Variants in CFAP77 observed in about 807,000 individuals in gnomAD.
The protein encoded by CFAP77 is cilia and flagella associated protein 77.
A neutral mutation model predicts 31.1 loss-of-function variants in CFAP77; 25 were observed. That is an observed-to-expected ratio of 0.80 (90% CI 0.59 to 1.12). CFAP77 has a LOEUF of 1.12. Among genes scored for constraint, CFAP77 ranks in the 50% most tolerant of loss-of-function variants. The pLI is 0.00. For synonymous variants in CFAP77, 151 were observed against 159.9 expected (o/e 0.94, Z 0.42); for missense variants, 377 against 397.3 (o/e 0.95, Z 0.44).
intron 4 of CFAP77, among the ~76,000 whole-genome samples, chr9:132,538,542 T>C (rs1257581226): frequency 2.0e-5 from 3 of 152,204 alleles, no homozygotes; most frequent in African/African-American, 7.2e-5. Flanking sequence ...TCCCAACACT[T>C]TGGGAGGCCG....
At chr9:132,456,747 A>T (rs1334598975) in intron 1 of CFAP77, among the ~76,000 whole-genome samples, 2 of 151,854 alleles carry the variant, frequency 1.3e-5, no homozygotes, top group Non-Finnish European at 2.9e-5. Context: ...CTGGAGATTT[A>T]AAAAAAATTT....
At chr9:132,508,113 C>T (rs562631169) in intron 3 of CFAP77, among the ~76,000 whole-genome samples, 1 of 152,254 alleles carries the variant, frequency 6.6e-6, no homozygotes, top group East Asian at 1.9e-4. Context: ...GACTTTGAGA[C>T]AGTTATCAGA....
intron 1 of CFAP77, among the ~76,000 whole-genome samples, chr9:132,421,095 T>C (rs570121660): frequency 6.9e-6 from 1 of 145,330 alleles, no homozygotes; most frequent in South Asian, 2.4e-4. Flanking sequence ...GCAACCTCCA[T>C]CTCCTGGGTT....
At chr9:132,534,577 C>T (rs1369267060) in intron 3 of CFAP77, among the ~76,000 whole-genome samples, 1 of 145,280 alleles carries the variant, frequency 6.9e-6, no homozygotes, top group Non-Finnish European at 1.5e-5. Context: ...TGCCACTGCA[C>T]TCCAGCCTGA....
chr9:132,438,541 A>ATATATATATATATATTTTTTTTTTTTT, intron 1 of CFAP77, among the ~76,000 whole-genome samples: 7 of 108,146 alleles, frequency 6.5e-5, no homozygotes, highest in African/African-American at 2.4e-4. Context: ...ATATATATAT[A>ATATATATATATATATTTTTTTTTTTTT]TTTTTTTTTT....
chr9:132,415,257 C>T (rs1850075872), intron 1 of CFAP77, among the ~76,000 whole-genome samples: 2 of 152,060 alleles, frequency 1.3e-5, no homozygotes, highest in Admixed American at 1.3e-4. Context: ...CCTTACAACT[C>T]TCTCCCTCGT....
chr9:132,530,166 TAGAGA>T (rs1852416796), intron 3 of CFAP77, among the ~76,000 whole-genome samples: 1 of 148,284 alleles, frequency 6.7e-6, no homozygotes, highest in Non-Finnish European at 1.5e-5. Context: ...TTGGTTTTTG[TAGAGA>T]GGGTTTTGCC....
chr9:132,447,598 C>T (rs867707748), intron 1 of CFAP77, among the ~76,000 whole-genome samples: 26 of 152,186 alleles, frequency 1.7e-4, no homozygotes, highest in Admixed American at 5.2e-4. Flanking sequence ...GCGGTCGGTC[C>T]GCGTAGATCA....
intron 5 of CFAP77, among the ~76,000 whole-genome samples, chr9:132,546,175 A>G (rs1211960959): frequency 1.3e-5 from 2 of 152,212 alleles, no homozygotes; most frequent in Admixed American, 1.3e-4. Flanking sequence ...AGTCTGTTAC[A>G]GACCTGCTGA....
rs147501865 is a variant in CFAP77, at chr9:132,534,249, G to A, written c.525-3352G>A. 1.3e-3 allele frequency among the ~76,000 whole-genome samples: 203 copies of A among 152,284 alleles called. 1 individual carries two copies. Among genetic ancestry groups the A allele is most frequent in the South Asian group, 2.9e-3 (14 of 4,822 alleles). ...CCCTAGATCCATTATTTCATTAGGA[G>A]TCACAAAACACTGATTTTCCCACTA... On this transcript the variant is annotated intron_variant, in intron 3 of 5. Transcript: ENST00000393216.
chr9:132,482,341 A>G, intron 1 of CFAP77: 2 of 1,613,430 alleles, frequency 1.2e-6, no homozygotes, highest in Non-Finnish European at 1.7e-6. Context: ...GGAACCTCTT[A>G]TTCTGTTTAT....
intron 3 of CFAP77, among the ~76,000 whole-genome samples, chr9:132,514,904 G>C (rs1389351538): frequency 6.6e-6 from 1 of 152,154 alleles, no homozygotes; most frequent in African/African-American, 2.4e-5. Flanking sequence ...AAAAGGCAAT[G>C]AGGGGATGAG....
chr9:132,482,521 G>A (rs913340534), intron 1 of CFAP77: 12 of 796,726 alleles, frequency 1.5e-5, no homozygotes, highest in African/African-American at 8.6e-5. Flanking sequence ...CACCCGTGGC[G>A]CTTCACCTCC....
At chr9:132,543,071 C>T (rs766087714) in intron 5 of CFAP77, 24 bp downstream of exon 5, 2 of 1,591,436 alleles carry the variant, frequency 1.3e-6, no homozygotes, top group Non-Finnish European at 8.6e-7. Flanking sequence ...TCATCCACAC[C>T]CCTCCCTGCA....
At chr9:132,500,152 CAAAA>C (rs563485823) in intron 3 of CFAP77, among the ~76,000 whole-genome samples, 3 of 84,872 alleles carry the variant, frequency 3.5e-5, no homozygotes, top group Admixed American at 1.3e-4. Context: ...ACCCTGTCTC[CAAAA>C]AAAAAAAAAA....
At chr9:132,559,200 C>A (rs771512817) in intron 5 of CFAP77, among the ~76,000 whole-genome samples, 46 of 151,498 alleles carry the variant, frequency 3.0e-4, no homozygotes, top group African/African-American at 7.3e-4. Flanking sequence ...AAAAAATTAG[C>A]TGGGTGTGGT....
At chr9:132,478,379 G>T (rs1006401480) in intron 1 of CFAP77, among the ~76,000 whole-genome samples, 1 of 152,000 alleles carries the variant, frequency 6.6e-6, no homozygotes, top group South Asian at 2.1e-4. Flanking sequence ...CGCGGCACTG[G>T]TTCCCCCCAT....
intron 3 of CFAP77, among the ~76,000 whole-genome samples, chr9:132,509,994 T>C (rs1268076731): frequency 6.6e-6 from 1 of 152,192 alleles, no homozygotes; most frequent in African/African-American, 2.4e-5. Flanking sequence ...ACATTTTTCA[T>C]GCTTTGCCTT....
intron 3 of CFAP77, among the ~76,000 whole-genome samples, chr9:132,536,733 T>C (rs537150763): frequency 1.2e-4 from 19 of 152,250 alleles, no homozygotes; most frequent in Non-Finnish European, 2.1e-4. Context: ...CATTGTCCAT[T>C]TGGATATTCC....
Sources: allele counts gnomAD v4.1 joint callset (sites outside exome capture counted in the v4.1 genomes callset), GRCh38; gene constraint gnomAD v4.1.1; transcripts MANE v1.5; gene names NCBI Gene and HGNC (gene_info 2026-07-23, HGNC 2026-07-21).